TOP1MT: variants seen among roughly 807,000 people sequenced by gnomAD.
The protein encoded by TOP1MT is DNA topoisomerase I mitochondrial.
TOP1MT carries 80 observed loss-of-function variants against 73.9 expected under a neutral mutation model. The ratio of observed to expected loss-of-function variants is 1.08; its 90% CI spans 0.90 to 1.30. TOP1MT has a LOEUF of 1.30. TOP1MT is among the 50% of genes most tolerant of loss of function. The pLI is 0.00. For missense variants in TOP1MT, 815 were observed against 808.0 expected (o/e 1.01, Z -0.10); for synonymous variants, 338 against 326.4 (o/e 1.04, Z -0.38).
At chr8:143,349,277 G>A (rs1363718227), upstream of TOP1MT, among the ~76,000 whole-genome samples, 1 of 151,930 alleles carries the variant, frequency 6.6e-6, no homozygotes, top group African/African-American at 2.4e-5. Context: ...AAGCTCTCAG[G>A]CACACGGCAC....
At chr8:143,323,426 G>C (rs945919637) in intron 7 of TOP1MT, among the ~76,000 whole-genome samples, 5 of 34,218 alleles carry the variant, frequency 1.5e-4, no homozygotes, top group Non-Finnish European at 2.2e-4. Flanking sequence ...CACACACACA[G>C]GCACGCCACA....
At chr8:143,321,492 ACACGCACG>A (rs543125079) in intron 7 of TOP1MT, 106 bp from the exon 8 acceptor site, 16 of 308,760 alleles carry the variant, frequency 5.2e-5, no homozygotes, top group Admixed American at 1.6e-4. Context: ...CGCACGCCAC[ACACGCACG>A]CCACACACAC....
At chr8:143,332,061 G>A (rs1007180285) in intron 1 of TOP1MT, among the ~76,000 whole-genome samples, 3 of 152,104 alleles carry the variant, frequency 2.0e-5, no homozygotes, top group East Asian at 1.9e-4. Context: ...GGAGATTGGG[G>A]GGGTGTTGGA....
intron 12 of TOP1MT, among the ~76,000 whole-genome samples, chr8:143,315,182 G>A (rs1000388578): frequency 3.3e-5 from 5 of 152,272 alleles, no homozygotes; most frequent in East Asian, 1.9e-4. Context: ...AGTCAGGCTC[G>A]CCCGCAGTTA....
chr8:143,359,532 T>C, upstream of TOP1MT: 2 of 599,992 alleles, frequency 3.3e-6, no homozygotes, highest in Non-Finnish European at 4.0e-6. Context: ...AAGGGAGCGA[T>C]GAGGAGGGGT....
rs776314009 is a variant in TOP1MT, at chr8:143,324,086, G to A, written c.873C>T (p.Asp291=). 25 of 1,613,760 alleles carry A rather than the reference G, an allele frequency of 1.5e-5. No individual in the cohort carries two copies. The highest frequency in any genetic ancestry group is 6.7e-5 in the Admixed American group (4 of 60,004). The change falls in exon 7 of 14, where the codon GAC becomes GAT. Residue 291 remains aspartate (D), a synonymous_variant. Coordinates refer to ENST00000329245, the MANE Select transcript of TOP1MT (RefSeq NM_052963.3). ...CAGCCCGGTACTGGGAGCGGATCTC[G>A]TCCACAAATCCCCGCAGGCGTCGAG... ...ETARRLRGFV[D]EIRSQYRADW...
At chr8:143,351,276 T>C (rs1265826897) in intron 1 of TOP1MT, among the ~76,000 whole-genome samples, 1 of 152,186 alleles carries the variant, frequency 6.6e-6, no homozygotes, top group Non-Finnish European at 1.5e-5. Context: ...ACAAGTGTCA[T>C]AAAAACATTT....
chr8:143,329,416 C>T lies in TOP1MT; in HGVS notation c.294G>A (p.Arg98=), dbSNP rs1816791901. 6.2e-7 allele frequency: 1 copy of T among 1,610,388 alleles called. No individual in the cohort carries two copies. Among genetic ancestry groups the T allele is most frequent in the African/African-American group, 1.3e-5 (1 of 74,672 alleles). Reference sequence around the variant, plus strand: ...TTGTTGTGTATTCATGATCTAACATCCTCCCATAAAAAGTGGCGACCTCCT... The same window carrying T: ...TTGTTGTGTATTCATGATCTAACATTCTCCCATAAAAAGTGGCGACCTCCT... ...AAEEVATFYG[R]MLDHEYTTKE... The change falls in exon 3 of 14, where the codon AGG becomes AGA. Residue 98 remains arginine, a synonymous_variant. Coordinates refer to ENST00000329245, the MANE Select transcript of TOP1MT (RefSeq NM_052963.3).
At chr8:143,313,823 C>A (rs1816078103) in intron 12 of TOP1MT, among the ~76,000 whole-genome samples, 1 of 151,256 alleles carries the variant, frequency 6.6e-6, no homozygotes, top group Non-Finnish European at 1.5e-5. Flanking sequence ...CCATTGCACT[C>A]CAGCCTTGGC....
At chr8:143,320,812 T>C (rs1816310594) in intron 8 of TOP1MT, among the ~76,000 whole-genome samples, 1 of 152,062 alleles carries the variant, frequency 6.6e-6, no homozygotes, top group Non-Finnish European at 1.5e-5. Flanking sequence ...CCTCCCCGAG[T>C]GTGGGCGGGA....
At chr8:143,316,517 A>AC (rs1204616694) in intron 10 of TOP1MT, among the ~76,000 whole-genome samples, 9 of 81,198 alleles carry the variant, frequency 1.1e-4, no homozygotes, top group African/African-American at 1.2e-4. Context: ...TCCCCTGGCG[A>AC]GTCTGTGGGT....
In TOP1MT at chr8:143,324,616, G is replaced by C. The variant is rs1157666426; in HGVS notation, c.685C>G (p.Pro229Ala). 2 of 1,613,218 alleles carry C rather than the reference G, an allele frequency of 1.2e-6. No homozygotes were observed. The highest frequency in any genetic ancestry group is 1.7e-6 in the Non-Finnish European group (2 of 1,179,824). ...VINCSRDSKI[P>A]EPPAGHQWKE... ...CACTGGTGCCCCGCCGGCGGCTCGG[G>C]GATCTTCGAGTCCCTGCAGCAGAAC... is the stretch of plus-strand genomic sequence containing the variant. The change falls in exon 6 of 14, where the codon CCC becomes GCC. Residue 229 changes from proline to alanine, a missense_variant. Physicochemically the swap from Pro to Ala is conservative, Grantham distance 27. Transcript: ENST00000329245.
chr8:143,355,657 G>A (rs1037856008), intron 1 of TOP1MT, among the ~76,000 whole-genome samples: 1 of 152,156 alleles, frequency 6.6e-6, no homozygotes, highest in Non-Finnish European at 1.5e-5. Context: ...AGGGCCCCTG[G>A]CACATGAGGG....
chr8:143,337,648 A>C (rs1373423987), upstream of TOP1MT, among the ~76,000 whole-genome samples: 1 of 152,210 alleles, frequency 6.6e-6, no homozygotes, highest in Non-Finnish European at 1.5e-5. Flanking sequence ...ATCTGTACTA[A>C]AGATTTTTAA....
At chr8:143,327,094 G>A (rs1816728205) in intron 3 of TOP1MT, among the ~76,000 whole-genome samples, 1 of 152,170 alleles carries the variant, frequency 6.6e-6, no homozygotes, top group African/African-American at 2.4e-5. Context: ...AGCTCCTAAA[G>A]GCCCTCCCTC....
At chr8:143,310,537 G>A (rs1392638764) in intron 12 of TOP1MT, 2 of 244,920 alleles carry the variant, frequency 8.2e-6, no homozygotes, top group South Asian at 1.6e-4. Context: ...GACCAGGCCC[G>A]AGAAAGCAAA....
intron 8 of TOP1MT, among the ~76,000 whole-genome samples, chr8:143,318,391 G>T (rs915898332): frequency 7.2e-5 from 11 of 152,288 alleles, no homozygotes; most frequent in South Asian, 2.1e-4. Flanking sequence ...ATCAATGCCG[G>T]ATTTCCACCA....
chr8:143,338,275 A>AT (rs1001816605), upstream of TOP1MT, among the ~76,000 whole-genome samples: 27 of 150,384 alleles, frequency 1.8e-4, no homozygotes, highest in African/African-American at 3.7e-4. Context: ...TTAAAAAAAA[A>AT]TTTTTTTTTT....
intron 11 of TOP1MT, 28 bp from the exon 12 acceptor site, chr8:143,315,849 G>T: frequency 6.2e-7 from 1 of 1,609,848 alleles, no homozygotes; most frequent in Non-Finnish European, 8.5e-7. Flanking sequence ...AGACAGGGCT[G>T]CCCCTCCCCA....
Sources: allele counts gnomAD v4.1 joint callset (sites outside exome capture counted in the v4.1 genomes callset), GRCh38; gene constraint gnomAD v4.1.1; transcripts MANE v1.5; gene names NCBI Gene and HGNC (gene_info 2026-07-23, HGNC 2026-07-21).